The following ZCCHC2 variants were observed in gnomAD, a reference collection of about 807,000 sequenced individuals.
The protein encoded by ZCCHC2 is zinc finger CCHC-type containing 2, also known as zinc finger CCHC domain-containing protein 2.
Under a neutral mutation model 103.6 loss-of-function variants are expected in ZCCHC2, and 39 were observed. That is an observed-to-expected ratio of 0.38 (90% CI 0.29 to 0.49). The LOEUF is 0.49. ZCCHC2 is among the 20% of genes least tolerant of loss of function. ZCCHC2 has a pLI of 0.96. For missense variants in ZCCHC2, 1,483 were observed against 1,491.0 expected, an observed-to-expected ratio of 0.99 and a Z score of 0.09; for synonymous variants, 687 against 608.9, an observed-to-expected ratio of 1.13 and a Z score of -1.89.
chr18:62,540,435 CTTT>C (rs555817088), intron 2 of ZCCHC2, among the ~76,000 whole-genome samples: 25 of 141,442 alleles, frequency 1.8e-4, no homozygotes, highest in Admixed American at 4.3e-4. Context: ...ATTATGTCTC[CTTT>C]TTTTTTTTTT....
chr18:62,579,594 G>A (rs1372939877), downstream of ZCCHC2, among the ~76,000 whole-genome samples: 1 of 152,160 alleles, frequency 6.6e-6, no homozygotes, highest in African/African-American at 2.4e-5. Context: ...AACAAATAAT[G>A]CACCTATAGG....
intron 1 of ZCCHC2, among the ~76,000 whole-genome samples, chr18:62,528,223 A>G (rs1290876711): frequency 2.0e-5 from 3 of 152,370 alleles, no homozygotes; most frequent in East Asian, 1.9e-4. Context: ...CTCACAAAAC[A>G]TATTTGAGTT....
At chr18:62,565,177 C>A in intron 11 of ZCCHC2, 81 bp downstream of exon 11, 3 of 1,035,320 alleles carry the variant, frequency 2.9e-6, no homozygotes, top group Non-Finnish European at 4.3e-6. Context: ...AGATACTGAG[C>A]TGTTGTGTCA....
chr18:62,572,663 GGT>G (rs1732163915), intron 12 of ZCCHC2, among the ~76,000 whole-genome samples: 1 of 152,126 alleles, frequency 6.6e-6, no homozygotes. Context: ...TGCACAAAAG[GGT>G]GAGACATGTC....
intron 1 of ZCCHC2, chr18:62,526,451 T>G (rs1262045646): frequency 3.3e-5 from 5 of 152,344 alleles, no homozygotes; most frequent in Non-Finnish European, 5.9e-5. Context: ...CCCCGCATTT[T>G]CTGCTGCGTA....
chr18:62,547,055 T>G (rs568482239), intron 4 of ZCCHC2, among the ~76,000 whole-genome samples: 1 of 152,282 alleles, frequency 6.6e-6, no homozygotes, highest in East Asian at 1.9e-4. Flanking sequence ...CCAGGTTCGG[T>G]GGCTCATGCC....
intron 1 of ZCCHC2, among the ~76,000 whole-genome samples, chr18:62,535,108 ATC>A (rs746936879): frequency 6.6e-6 from 1 of 151,520 alleles, no homozygotes; most frequent in Non-Finnish European, 1.5e-5. Flanking sequence ...TCCCTCCCTC[ATC>A]TCTCGTGGGG....
intron 4 of ZCCHC2, 136 bp downstream of exon 4, chr18:62,545,009 G>A: frequency 1.6e-6 from 1 of 633,332 alleles, no homozygotes; most frequent in East Asian, 3.3e-5. Context: ...AACATTAGCT[G>A]TGGAAAACGT....
rs759148863 is a variant in ZCCHC2, at chr18:62,539,735, C to G, written c.994C>G (p.Gln332Glu). The G allele has an allele frequency of 1.9e-6, 3 of 1,607,592 alleles. No homozygotes were observed. The highest frequency in any genetic ancestry group is 2.2e-5 in the South Asian group (2 of 89,382). The stretch of plus-strand genomic sequence containing the variant: ...AAATAACGAGAGCAGCTTAATAGAG[C>G]AAGCTCCAATACCTCAGGACGGACT... ...MQNNESSLIE[Q>E]APIPQDGLTV... is the part of the protein sequence containing the mutation. The change falls in exon 2 of 14, where the codon CAA (glutamine) becomes GAA (glutamate). Residue 332 changes from glutamine to glutamate, a missense_variant. Transcript: ENST00000269499.
chr18:62,550,549 A>C, intron 5 of ZCCHC2, 89 bp downstream of exon 5: 1 of 895,648 alleles, frequency 1.1e-6, no homozygotes, highest in East Asian at 2.6e-5. Context: ...GGAATCATAG[A>C]GATCCTTTCT....
At chr18:62,580,301 A>G (rs1245174337), downstream of ZCCHC2, among the ~76,000 whole-genome samples, 2 of 152,160 alleles carry the variant, frequency 1.3e-5, no homozygotes, top group African/African-American at 2.4e-5. Flanking sequence ...TCTGTTACAA[A>G]CAAGTCTGCT....
chr18:62,570,221 G>T lies in ZCCHC2; in HGVS notation c.1965G>T (p.Glu655Asp). The change falls in exon 12 of 14, where the codon GAG (glutamate) becomes GAT (aspartate). Residue 655 changes from glutamate to aspartate, a missense_variant. This residue lies in a region of ZCCHC2 where 884 missense variants were observed against 907.5 expected (regional missense o/e 0.97). Transcript: ENST00000269499. ...GAGAAAGTTTTGAAAGTGAAGAAGA[G>T]AAAGACAGAGGTTTGCTCTTTGAAG... Reference protein sequence around the residue: ...DGRESFESEEEKDRDTDSNSE... With the variant: ...DGRESFESEEDKDRDTDSNSE... 6.2e-7 allele frequency: 1 copy of T among 1,611,586 alleles called. No homozygotes were observed.
At chr18:62,550,754 T>G (rs1915629859) in intron 5 of ZCCHC2, among the ~76,000 whole-genome samples, 1 of 152,240 alleles carries the variant, frequency 6.6e-6, no homozygotes, top group Admixed American at 6.5e-5. Context: ...AAGAGGCCTT[T>G]GTCCAAGAGC....
chr18:62,570,456 G>A (rs1598963833), intron 12 of ZCCHC2, among the ~76,000 whole-genome samples: 1 of 152,228 alleles, frequency 6.6e-6, no homozygotes, highest in South Asian at 2.1e-4. Context: ...TGCATATGAA[G>A]TTAAGTAGGA....
intron 1 of ZCCHC2, chr18:62,525,078 G>T (rs1013840861): frequency 1.3e-5 from 2 of 152,174 alleles, no homozygotes; most frequent in African/African-American, 4.8e-5. Context: ...CGCGGCCTGG[G>T]ATGCTTTTTC....
chr18:62,564,931 A>G (rs1031631708), intron 10 of ZCCHC2, 71 bp from the exon 11 acceptor site: 1 of 1,104,424 alleles, frequency 9.1e-7, no homozygotes, highest in Non-Finnish European at 1.3e-6. Flanking sequence ...AGGAAATTTT[A>G]TCAATACTGT....
At chr18:62,566,422 A>G (rs771665214) in intron 11 of ZCCHC2, among the ~76,000 whole-genome samples, 13 of 152,218 alleles carry the variant, frequency 8.5e-5, no homozygotes, top group Non-Finnish European at 1.6e-4. Context: ...CGGAGGAGGA[A>G]CAAGCTAAAT....
intron 3 of ZCCHC2, among the ~76,000 whole-genome samples, chr18:62,543,764 G>A (rs1915299943): frequency 6.6e-6 from 1 of 152,118 alleles, no homozygotes; most frequent in Admixed American, 6.6e-5. Context: ...ATCACTGATG[G>A]AAATTCTTAT....
intron 1 of ZCCHC2, among the ~76,000 whole-genome samples, chr18:62,534,222 G>A (rs1364576755): frequency 6.6e-6 from 1 of 151,694 alleles, no homozygotes; most frequent in Non-Finnish European, 1.5e-5. Context: ...GAGGTGGGAA[G>A]ATTGCTTGAG....
Sources: allele counts gnomAD v4.1 joint callset (sites outside exome capture counted in the v4.1 genomes callset), GRCh38; gene constraint gnomAD v4.1.1; regional missense constraint gnomAD v4.1.1; transcripts MANE v1.5; gene names NCBI Gene and HGNC (gene_info 2026-07-23, HGNC 2026-07-21).